The following QTGAL variants were observed in gnomAD, a reference collection of about 807,000 sequenced individuals.
QTGAL encodes the protein BGnT-like protein 1.
At chr17:82,997,939 A>ATATC in the QTGAL span, among the ~76,000 whole-genome samples, 4 of 148,328 alleles carry the variant, frequency 2.7e-5, no homozygotes, top group South Asian at 2.1e-4. Context: ...AAATATATAT[A>ATATC]TATATATATC....
the QTGAL span, among the ~76,000 whole-genome samples, chr17:82,958,946 G>GTATGGTGTGTGTGTACAC: frequency 2.7e-5 from 3 of 109,636 alleles, 1 homozygote; most frequent in East Asian, 2.7e-4. Context: ...TGTATACTGT[G>GTATGGTGTGTGTGTACAC]TGGGGGTGTA....
the QTGAL span, among the ~76,000 whole-genome samples, chr17:82,996,083 A>G: frequency 3.3e-5 from 5 of 152,250 alleles, no homozygotes; most frequent in African/African-American, 4.8e-5. Flanking sequence ...CTGATGCAAG[A>G]AATTAAAGAA....
the QTGAL span, among the ~76,000 whole-genome samples, chr17:83,000,226 G>A: frequency 1.3e-5 from 2 of 151,874 alleles, no homozygotes; most frequent in Non-Finnish European, 2.9e-5. Flanking sequence ...CTCCGAAAGC[G>A]CTGGGATTAC....
chr17:83,036,555 C>A, the QTGAL span, among the ~76,000 whole-genome samples: 3 of 152,222 alleles, frequency 2.0e-5, no homozygotes, highest in African/African-American at 7.2e-5. Flanking sequence ...GACATCACAA[C>A]TGAGCTGGAA....
At chr17:82,970,610 ACCTCCCCACCCGG>A in the QTGAL span, among the ~76,000 whole-genome samples, 9 of 139,758 alleles carry the variant, frequency 6.4e-5, 1 homozygote, top group African/African-American at 1.9e-4. Flanking sequence ...CGTGGCCGCG[ACCTCCCCACCCGG>A]CGTGGCCGCG....
At chr17:83,049,126 T>G in the QTGAL span, 16 of 232,986 alleles carry the variant, frequency 6.9e-5, no homozygotes, top group Middle Eastern at 1.7e-3. Context: ...GGTGGCAGGC[T>G]CCTGTAGTCC....
At chr17:82,986,854 T>G in the QTGAL span, among the ~76,000 whole-genome samples, 1 of 152,256 alleles carries the variant, frequency 6.6e-6, no homozygotes, top group African/African-American at 2.4e-5. Flanking sequence ...ACAACCTCGC[T>G]ATTAGAGGTG....
At chr17:83,033,749 G>C in the QTGAL span, among the ~76,000 whole-genome samples, 1 of 152,094 alleles carries the variant, frequency 6.6e-6, no homozygotes, top group African/African-American at 2.4e-5. Flanking sequence ...GGGATTACAG[G>C]CGTGAGCCAC....
At chr17:83,039,268 T>A in the QTGAL span, among the ~76,000 whole-genome samples, 1 of 134,812 alleles carries the variant, frequency 7.4e-6, no homozygotes, top group Non-Finnish European at 1.6e-5. Flanking sequence ...CCGCCCCTGT[T>A]CTAGACACAC....
At chr17:83,007,860 G>A in the QTGAL span, among the ~76,000 whole-genome samples, 12 of 152,184 alleles carry the variant, frequency 7.9e-5, no homozygotes, top group Admixed American at 5.9e-4. Context: ...GTCTATAAAC[G>A]GAGGAGGTGA....
chr17:83,022,329 CG>C, the QTGAL span, among the ~76,000 whole-genome samples: 162 of 137,216 alleles, frequency 1.2e-3, 1 homozygote, highest in African/African-American at 2.9e-3. Flanking sequence ...GCACTGTCCC[CG>C]GCCCACCTGC....
the QTGAL span, chr17:82,949,410 C>T: frequency 2.6e-5 from 4 of 152,300 alleles, no homozygotes; most frequent in African/African-American, 4.8e-5. Context: ...TAGTGACAAA[C>T]GTGAACCTTG....
the QTGAL span, among the ~76,000 whole-genome samples, chr17:82,994,488 G>T: frequency 6.6e-6 from 1 of 152,062 alleles, no homozygotes; most frequent in African/African-American, 2.4e-5. Flanking sequence ...AGCCTACCAA[G>T]ACTGAACCAT....
At chr17:82,972,295 G>A in the QTGAL span, among the ~76,000 whole-genome samples, 5 of 130,490 alleles carry the variant, frequency 3.8e-5, no homozygotes, top group East Asian at 2.4e-4. Flanking sequence ...AGAAGGACCT[G>A]GTACTGACCA....
chr17:82,969,712 T>C, the QTGAL span, among the ~76,000 whole-genome samples: 1 of 151,770 alleles, frequency 6.6e-6, no homozygotes, highest in Non-Finnish European at 1.5e-5. Flanking sequence ...TACAGAGTCT[T>C]GCTGTTACCC....
chr17:82,948,391 G>A, the QTGAL span: 1 of 152,292 alleles, frequency 6.6e-6, no homozygotes, highest in Admixed American at 6.5e-5. Context: ...GATTAGACCC[G>A]AGGCAGGGAT....
At chr17:82,966,753 G>A in the QTGAL span, among the ~76,000 whole-genome samples, 4 of 152,176 alleles carry the variant, frequency 2.6e-5, no homozygotes, top group Admixed American at 6.5e-5. Flanking sequence ...GAGAACATTC[G>A]TGATTATGGG....
the QTGAL span, among the ~76,000 whole-genome samples, chr17:82,991,930 T>G: frequency 1.3e-5 from 2 of 152,130 alleles, 1 homozygote; most frequent in African/African-American, 4.8e-5. Flanking sequence ...AAAGAATGAA[T>G]CAGAACTTTT....
At chr17:82,955,085 C>T in the QTGAL span, among the ~76,000 whole-genome samples, 2 of 152,182 alleles carry the variant, frequency 1.3e-5, no homozygotes, top group African/African-American at 4.8e-5. Flanking sequence ...ATGACTAAAA[C>T]ACCAAAAGCA....
Sources: allele counts gnomAD v4.1 joint callset (sites outside exome capture counted in the v4.1 genomes callset), GRCh38; gene constraint gnomAD v4.1.1; transcripts MANE v1.5; gene names NCBI Gene and HGNC (gene_info 2026-07-23, HGNC 2026-07-21).